DAB1: variants seen among roughly 807,000 people sequenced by gnomAD.
The protein encoded by DAB1 is DAB adaptor protein 1.
DAB1 carries 15 observed loss-of-function variants against 64.6 expected under a neutral mutation model. That is an observed-to-expected ratio of 0.23 (90% CI 0.16 to 0.36). The LOEUF (loss-of-function observed/expected upper bound fraction) is 0.36, where lower values mean the gene tolerates loss of function less well. DAB1 is among the 10% of genes least tolerant of loss of function. The pLI is 1.00. For synonymous variants in DAB1, 235 were observed against 251.9 expected (o/e 0.93, Z 0.64); for missense variants, 596 against 706.7 (o/e 0.84, Z 1.78).
chr1:57,124,223 T>G (rs1347096615), intron 4 of DAB1, among the ~76,000 whole-genome samples: 1 of 152,190 alleles, frequency 6.6e-6, no homozygotes, highest in Non-Finnish European at 1.5e-5. Context: ...GATGAAGAAG[T>G]TTTTGTTCAG....
intron 5 of DAB1, among the ~76,000 whole-genome samples, chr1:57,946,802 T>TA (rs1364183832): frequency 6.6e-6 from 1 of 152,208 alleles, no homozygotes; most frequent in Non-Finnish European, 1.5e-5. Flanking sequence ...CATGCCTTTA[T>TA]AAAAATCCCT....
chr1:57,352,957 A>G (rs1347181582), intron 1 of DAB1, among the ~76,000 whole-genome samples: 1 of 152,142 alleles, frequency 6.6e-6, no homozygotes, highest in Admixed American at 6.6e-5. Flanking sequence ...GACCGCCTTT[A>G]GAATTCATCC....
intron 7 of DAB1, among the ~76,000 whole-genome samples, chr1:57,566,094 T>A (rs1350929453): frequency 6.6e-6 from 1 of 152,178 alleles, no homozygotes; most frequent in East Asian, 1.9e-4. Flanking sequence ...CACACTGCAA[T>A]CAAACTAGAA....
At chr1:57,852,269 G>T (rs1194280300) in intron 1 of DAB1, among the ~76,000 whole-genome samples, 3 of 152,164 alleles carry the variant, frequency 2.0e-5, no homozygotes, top group Non-Finnish European at 2.9e-5. Context: ...GGACAAACAG[G>T]CCTTGCTTGG....
Position 57,854,039 on chromosome 1 carries a change from G to A in DAB1, n.88-27584C>T, listed in dbSNP as rs920944184. On this transcript the variant is annotated intron_variant and non_coding_transcript_variant, in intron 1 of 1. Coordinates refer to the DAB1 transcript ENST00000477280. ...AGTAAATATTAAATGCCTCTATGCT[G>A]CAAATACTGCACTGTTTCTACAAAA... 3.9e-5 allele frequency among the ~76,000 whole-genome samples: 6 copies of A among 152,040 alleles called. 1 individual carries two copies. Among genetic ancestry groups the A allele is most frequent in the Non-Finnish European group, 2.9e-5 (2 of 68,006 alleles).
chr1:57,293,638 A>T (rs1358180739), intron 1 of DAB1, among the ~76,000 whole-genome samples: 7 of 152,192 alleles, frequency 4.6e-5, no homozygotes. Context: ...GGAAATTGAT[A>T]CAAGTTAATT....
chr1:57,055,303 T>G (rs1649636157), intron 9 of DAB1, among the ~76,000 whole-genome samples: 1 of 152,196 alleles, frequency 6.6e-6, no homozygotes, highest in African/African-American at 2.4e-5. Context: ...AAGCATAGCA[T>G]GACCTTGAGA....
At chr1:58,375,833 A>G (rs372280525) in intron 3 of DAB1, among the ~76,000 whole-genome samples, 2 of 146,004 alleles carry the variant, frequency 1.4e-5, no homozygotes, top group Non-Finnish European at 3.1e-5. Context: ...TGGTTGGTAA[A>G]CTATTGATTA....
chr1:57,067,302 A>C (rs1651010986), intron 8 of DAB1, among the ~76,000 whole-genome samples: 1 of 152,148 alleles, frequency 6.6e-6, no homozygotes, highest in Non-Finnish European at 1.5e-5. Context: ...TGTGAAACTC[A>C]GAATCAGGGG....
chr1:57,156,648 T>C (rs748216690), intron 2 of DAB1, among the ~76,000 whole-genome samples: 15 of 152,220 alleles, frequency 9.9e-5, no homozygotes, highest in Non-Finnish European at 1.6e-4. Flanking sequence ...ATAAGTATGA[T>C]TCATTTAGTC....
intron 6 of DAB1, among the ~76,000 whole-genome samples, chr1:57,789,248 T>C (rs1650478635): frequency 6.6e-6 from 1 of 152,070 alleles, no homozygotes; most frequent in Non-Finnish European, 1.5e-5. Flanking sequence ...CTCTCTGAGA[T>C]ATCTATTTAT....
intron 1 of DAB1, among the ~76,000 whole-genome samples, chr1:58,538,640 T>G (rs1435665403): frequency 6.6e-6 from 1 of 152,196 alleles, no homozygotes. Context: ...AACTTCACTT[T>G]GAGCTAAATG....
intron 3 of DAB1, among the ~76,000 whole-genome samples, chr1:58,475,468 G>C (rs774975864): frequency 6.9e-6 from 1 of 144,590 alleles, no homozygotes; most frequent in Non-Finnish European, 1.5e-5. Flanking sequence ...GGCTGAATTA[G>C]GTTAATTAAA....
intron 5 of DAB1, among the ~76,000 whole-genome samples, chr1:57,934,105 T>TGTGTG (rs1553145101): frequency 2.3e-5 from 1 of 43,070 alleles, no homozygotes; most frequent in Admixed American, 2.3e-4. Context: ...GTGTGTGTGT[T>TGTGTG]TAGTAGAGAC....
Position 57,988,021 on chromosome 1 carries a change from C to A in DAB1, n.388-103859G>T, listed in dbSNP as rs1035856990. ...AGTAGATAATATGAGAGAGAACTGA[C>A]AATTGGGTTGTCCCTACTGAGCTTG... On this transcript the variant is annotated intron_variant and non_coding_transcript_variant, in intron 5 of 20. Coordinates refer to the DAB1 transcript ENST00000485760. Among the ~76,000 whole-genome samples the A allele has an allele frequency of 3.3e-5, 5 of 152,186 alleles. No individual in the cohort carries two copies. In the South Asian group the frequency reaches 6.2e-4, roughly 19 times the overall value.
At chr1:57,566,994 T>C (rs1404554735) in intron 7 of DAB1, among the ~76,000 whole-genome samples, 1 of 152,188 alleles carries the variant, frequency 6.6e-6, no homozygotes, top group Non-Finnish European at 1.5e-5. Context: ...TTTAGACCAA[T>C]GTCCCTGATG....
At chr1:57,273,495 A>C (rs907338795) in intron 2 of DAB1, among the ~76,000 whole-genome samples, 1 of 151,734 alleles carries the variant, frequency 6.6e-6, no homozygotes, top group Admixed American at 6.6e-5. Context: ...GACAGCGCCA[A>C]CATCTAAGAT....
At chr1:57,320,118 C>T (rs1381794878) in intron 1 of DAB1, among the ~76,000 whole-genome samples, 1 of 152,124 alleles carries the variant, frequency 6.6e-6, no homozygotes, top group East Asian at 1.9e-4. Context: ...GTATTCCCAC[C>T]CAAATCTCAT....
At chr1:57,569,659 A>G (rs1645169772) in intron 7 of DAB1, among the ~76,000 whole-genome samples, 1 of 152,064 alleles carries the variant, frequency 6.6e-6, no homozygotes, top group African/African-American at 2.4e-5. Flanking sequence ...TGACAAGTTA[A>G]TGGGGGCATC....
Sources: allele counts gnomAD v4.1 joint callset (sites outside exome capture counted in the v4.1 genomes callset), GRCh38; gene constraint gnomAD v4.1.1; transcripts MANE v1.5; gene names NCBI Gene and HGNC (gene_info 2026-07-23, HGNC 2026-07-21).